Variants in CERT1 observed in about 807,000 individuals in gnomAD.
The protein encoded by CERT1 is ceramide transfer protein.
CERT1 carries 31 observed loss-of-function variants against 87.9 expected under a neutral mutation model. The observed-to-expected ratio is 0.35, with a 90% CI of 0.27 to 0.48. The LOEUF (loss-of-function observed/expected upper bound fraction) is 0.48. Among genes scored for constraint, CERT1 ranks in the 20% least tolerant of loss-of-function variants. CERT1 has a pLI of 0.99. For synonymous variants in CERT1, 289 were observed against 250.9 expected (o/e 1.15, Z -1.44); for missense variants, 487 against 758.0 (o/e 0.64, Z 4.20).
intron 11 of CERT1, among the ~76,000 whole-genome samples, chr5:75,391,305 C>G (rs1459473916): frequency 1.3e-5 from 2 of 152,202 alleles, no homozygotes; most frequent in African/African-American, 4.8e-5. Flanking sequence ...TCTGCTACCT[C>G]AAGTTTCTGG....
chr5:75,500,690 A>G (rs1023726580), intron 2 of CERT1, among the ~76,000 whole-genome samples: 6 of 152,104 alleles, frequency 3.9e-5, no homozygotes, highest in African/African-American at 1.4e-4. Context: ...TCTTTCCTTT[A>G]GTTCTCACTA....
chr5:75,419,211 A>T, intron 6 of CERT1, 130 bp downstream of exon 6: 3 of 561,268 alleles, frequency 5.3e-6, no homozygotes, highest in Non-Finnish European at 9.5e-6. Flanking sequence ...GCCTTGGAAG[A>T]TATTTTCACT....
intron 2 of CERT1, among the ~76,000 whole-genome samples, chr5:75,490,154 T>C (rs1027665182): frequency 3.3e-5 from 5 of 151,980 alleles, no homozygotes; most frequent in African/African-American, 9.7e-5. Context: ...AATGAGAACA[T>C]ATGAGCACAG....
intron 2 of CERT1, among the ~76,000 whole-genome samples, chr5:75,483,455 G>A (rs1185211889): frequency 1.3e-5 from 2 of 152,154 alleles, no homozygotes; most frequent in Non-Finnish European, 2.9e-5. Context: ...GGTGAAGGTA[G>A]AAAGTTTGAT....
At chr5:75,490,314 C>T (rs1766723387) in intron 2 of CERT1, among the ~76,000 whole-genome samples, 2 of 123,494 alleles carry the variant, frequency 1.6e-5, no homozygotes, top group Admixed American at 1.6e-4. Context: ...CCTGCACATT[C>T]TGCACATGTA....
chr5:75,488,205 T>C (rs1766615556), intron 2 of CERT1, among the ~76,000 whole-genome samples: 2 of 152,134 alleles, frequency 1.3e-5, no homozygotes, highest in Admixed American at 6.5e-5. Flanking sequence ...AAAAATAGAA[T>C]GTTTGTAACA....
rs181668591 is a variant in CERT1, at chr5:75,393,220, C to T, written c.1189-3533G>A. Among the ~76,000 whole-genome samples, 935 of 151,908 alleles carry T rather than the reference C, an allele frequency of 6.2e-3. 8 individuals carry two copies. The highest frequency in any genetic ancestry group is 9.7e-3 in the Non-Finnish European group (661 of 67,948). On this transcript the variant is annotated intron_variant, in intron 11 of 16. Coordinates refer to ENST00000643780, the MANE Select transcript of CERT1 (RefSeq NM_001379029.1). ...GTTTTAATTAGGCTAAGTGTAATTT[C>T]AGAAATCATGCCCTTGATTTTTCTG...
At chr5:75,491,850 A>G (rs1766813341) in intron 2 of CERT1, among the ~76,000 whole-genome samples, 1 of 152,200 alleles carries the variant, frequency 6.6e-6, no homozygotes, top group South Asian at 2.1e-4. Flanking sequence ...CACTGTCTTC[A>G]GCTACTCAGA....
intron 2 of CERT1, among the ~76,000 whole-genome samples, chr5:75,463,954 T>A (rs1765346248): frequency 6.6e-6 from 1 of 152,134 alleles, no homozygotes; most frequent in African/African-American, 2.4e-5. Flanking sequence ...AGTGATCTGG[T>A]AAGTTTTCAG....
chr5:75,471,199 C>T (rs76437138), intron 2 of CERT1, among the ~76,000 whole-genome samples: 1,870 of 152,180 alleles, frequency 0.012, 44 homozygotes, highest in African/African-American at 0.043. Context: ...TTGGTGATTT[C>T]GTCAGCTATA....
intron 3 of CERT1, among the ~76,000 whole-genome samples, chr5:75,433,396 G>A (rs77605354): frequency 1.3e-5 from 2 of 152,110 alleles, no homozygotes; most frequent in African/African-American, 4.8e-5. Flanking sequence ...TCTCATTGTA[G>A]AGATCTTTAA....
chr5:75,492,877 T>G (rs1190018870), intron 2 of CERT1, among the ~76,000 whole-genome samples: 2 of 152,210 alleles, frequency 1.3e-5, no homozygotes, highest in African/African-American at 4.8e-5. Flanking sequence ...TCTCAAACTT[T>G]AGGACGCATC....
chr5:75,387,390 CTT>C (rs1284574214), intron 12 of CERT1, among the ~76,000 whole-genome samples: 1 of 152,124 alleles, frequency 6.6e-6, no homozygotes, highest in African/African-American at 2.4e-5. Flanking sequence ...GTGCCTGACT[CTT>C]TTAAGTAGTC....
At chr5:75,511,866 T>C (rs764924536), upstream of CERT1, 6 of 1,526,356 alleles carry the variant, frequency 3.9e-6, no homozygotes, top group South Asian at 6.1e-5. Context: ...CGTTGGTCCG[T>C]CGCTCGCGCA....
chr5:75,391,144 A>T (rs1762015753), intron 11 of CERT1, among the ~76,000 whole-genome samples: 1 of 152,108 alleles, frequency 6.6e-6, no homozygotes, highest in African/African-American at 2.4e-5. Context: ...TTTTGTAGAG[A>T]CAGGGTCTCG....
At chr5:75,400,990 A>G (rs1762448978) in intron 9 of CERT1, 1 of 152,210 alleles carries the variant, frequency 6.6e-6, no homozygotes, top group African/African-American at 2.4e-5. Flanking sequence ...TGTCACTTGG[A>G]GAATATCTAT....
intron 2 of CERT1, among the ~76,000 whole-genome samples, chr5:75,473,026 T>G (rs1415376946): frequency 6.6e-6 from 1 of 152,180 alleles, no homozygotes; most frequent in Non-Finnish European, 1.5e-5. Context: ...CATTAACAGA[T>G]GAATGGATAA....
intron 7 of CERT1, among the ~76,000 whole-genome samples, chr5:75,412,392 A>C (rs1762966806): frequency 6.6e-6 from 1 of 152,136 alleles, no homozygotes; most frequent in African/African-American, 2.4e-5. Flanking sequence ...CCTTATTCCC[A>C]AAAAAACACT....
Position 75,487,358 on chromosome 5 carries a change from G to A in CERT1, c.231+18624C>T, listed in dbSNP as rs78897440. ...AATGGATTAAATATTTAAATCTAAG[G>A]CCTCAAACTCTGAAATTACTAAAAG... On this transcript the variant is annotated intron_variant, in intron 2 of 16. Coordinates refer to ENST00000643780, the MANE Select transcript of CERT1 (RefSeq NM_001379029.1). Among the ~76,000 whole-genome samples the A allele has an allele frequency of 2.1e-3, 317 of 151,948 alleles. 1 individual carries two copies. In the East Asian group the frequency reaches 0.027, roughly 13 times the overall value.
Sources: gnomAD v4.1 joint callset for allele counts (sites outside exome capture counted in the v4.1 genomes callset) on GRCh38, gnomAD v4.1.1 for gene constraint, MANE v1.5 for transcripts, NCBI Gene and HGNC (gene_info 2026-07-23, HGNC 2026-07-21) for gene names.